The following KDM5A variants were observed in gnomAD, a reference collection of about 807,000 sequenced individuals.
The protein encoded by KDM5A is lysine demethylase 5A.
KDM5A carries 42 observed loss-of-function variants against 193.5 expected under a neutral mutation model. The ratio of observed to expected loss-of-function variants is 0.22; its 90% CI spans 0.17 to 0.28. The LOEUF (loss-of-function observed/expected upper bound fraction) is 0.28. KDM5A is among the 10% of genes least tolerant of loss of function. The pLI is 1.00. For missense variants in KDM5A, 1,692 were observed against 2,055.1 expected (o/e 0.82, Z 3.42); for synonymous variants, 796 against 718.1 (o/e 1.11, Z -1.73).
chr12:308,932 T>G (rs1290616867), intron 22 of KDM5A, among the ~76,000 whole-genome samples: 3 of 152,202 alleles, frequency 2.0e-5, no homozygotes, highest in African/African-American at 7.2e-5. Flanking sequence ...TACAAATATT[T>G]TAACACTCAT....
intron 5 of KDM5A, among the ~76,000 whole-genome samples, chr12:362,211 A>G (rs867829799): frequency 3.4e-4 from 52 of 152,134 alleles, no homozygotes; most frequent in African/African-American, 1.1e-3. Context: ...CTCAGTCTCC[A>G]AACTTGTCTT....
chr12:377,489 GA>G lies in KDM5A; in HGVS notation c.366+6541del, dbSNP rs201102773. The stretch of plus-strand genomic sequence containing the variant: ...TAAAGATAAGATCCTAAATCTTCAA[GA>G]AAAAAAAAGTCACAAAAAAACAAGA... On this transcript the variant is annotated intron_variant, in intron 3 of 27. Transcript: ENST00000399788. 2.4e-3 allele frequency among the ~76,000 whole-genome samples: 361 copies of G among 150,402 alleles called. 3 individuals are homozygous for G. The highest frequency in any genetic ancestry group is 5.9e-3 in the African/African-American group (242 of 40,998).
chr12:297,875 G>A (rs547603752), intron 24 of KDM5A, among the ~76,000 whole-genome samples: 1 of 152,316 alleles, frequency 6.6e-6, no homozygotes, highest in East Asian at 1.9e-4. Flanking sequence ...AGAAAAAGCA[G>A]CCAGACCTCG....
At chr12:348,067 GA>G (rs1944101301) in intron 10 of KDM5A, among the ~76,000 whole-genome samples, 1 of 151,822 alleles carries the variant, frequency 6.6e-6, no homozygotes, top group Non-Finnish European at 1.5e-5. Context: ...AAATTTACAA[GA>G]AAAAAACAAA....
chr12:322,271 T>C (rs1591912405), intron 17 of KDM5A, 146 bp downstream of exon 17: 2 of 698,886 alleles, frequency 2.9e-6, no homozygotes, highest in Non-Finnish European at 5.0e-6. Context: ...TAGTAGGAGA[T>C]AAAACTGGAG....
chr12:310,023 A>T (rs1181518941), intron 21 of KDM5A, 59 bp from the exon 22 acceptor site: 1 of 1,554,832 alleles, frequency 6.4e-7, no homozygotes, highest in Non-Finnish European at 8.8e-7. Flanking sequence ...TAAAAGTAAA[A>T]ATAATAAAGG....
chr12:289,289 T>A (rs1943258379), intron 27 of KDM5A, among the ~76,000 whole-genome samples: 1 of 152,180 alleles, frequency 6.6e-6, no homozygotes, highest in African/African-American at 2.4e-5. Flanking sequence ...TTTTTCTAGT[T>A]AACTTGTTTT....
chr12:280,236 C>T lies in KDM5A; in HGVS notation c.*5220G>A, dbSNP rs752836109. On this transcript the variant is annotated 3_prime_UTR_variant, in exon 28 of 28. Transcript: ENST00000399788. ...TTTTACAATGTGTACAATGTTTCACCATGTTCCAATTAATGGTTGAGCTTT... is the reference window on the plus strand; with the variant it reads ...TTTTACAATGTGTACAATGTTTCACTATGTTCCAATTAATGGTTGAGCTTT... 23 of 232,588 alleles carry T rather than the reference C, an allele frequency of 9.9e-5. No homozygotes were observed. The highest frequency in any genetic ancestry group is 1.6e-4 in the Non-Finnish European group (19 of 117,786). The allele number at this position is 232,588 out of a possible 1,614,324, so 14.4% of individuals were successfully genotyped here.
chr12:351,874 C>T (rs763183751), intron 9 of KDM5A, among the ~76,000 whole-genome samples: 5 of 151,836 alleles, frequency 3.3e-5, no homozygotes, highest in Non-Finnish European at 7.4e-5. Context: ...GAGGCCGAGG[C>T]GAGTGGATAA....
intron 24 of KDM5A, among the ~76,000 whole-genome samples, chr12:305,969 G>GTTTTTTTTTTT (rs3038312): frequency 9.6e-6 from 1 of 104,216 alleles, no homozygotes; most frequent in Non-Finnish European, 1.8e-5. Context: ...CAATGGAAGT[G>GTTTTTTTTTTT]TTTTTTTTTT....
At chr12:384,196 TGAATAA>T (rs758912352) in intron 2 of KDM5A, 43 bp from the exon 3 acceptor site, 3 of 1,459,086 alleles carry the variant, frequency 2.1e-6, no homozygotes, top group Admixed American at 3.4e-5. Flanking sequence ...ATGATTGAAA[TGAATAA>T]GAATAACAGA....
intron 10 of KDM5A, among the ~76,000 whole-genome samples, chr12:346,016 C>T (rs566795172): frequency 5.9e-5 from 9 of 151,882 alleles, no homozygotes; most frequent in African/African-American, 7.2e-5. Context: ...TGATAGACCA[C>T]GAGCAAGACT....
At position 365,914 on chromosome 12, in the gene KDM5A, A is replaced by T. The variant is rs1323611526; in HGVS notation, c.537+20T>A. 14 of 1,611,726 alleles carry T rather than the reference A, an allele frequency of 8.7e-6. 1 individual carries two copies. In the South Asian group the frequency reaches 1.3e-4, roughly 15 times the overall value. On this transcript the variant is annotated intron_variant, in intron 4 of 27. Transcript: ENST00000399788. Reference sequence around the variant, plus strand: ...AAACTGGATTTATCAACTTTTTCTAAAAAGAATAATGCATCTCACCATAAG... The same window carrying T: ...AAACTGGATTTATCAACTTTTTCTATAAAGAATAATGCATCTCACCATAAG...
chr12:282,072 A>C lies in KDM5A; in HGVS notation c.*3384T>G, dbSNP rs1943160491. On this transcript the variant is annotated 3_prime_UTR_variant, in exon 28 of 28. Coordinates refer to ENST00000399788, the MANE Select transcript of KDM5A (RefSeq NM_001042603.3). ...AGAAGCGCAGAAGCAAAGCCCAGGC[A>C]GAACCATGCTAACCTTACAGCTCAG... 2 of 331,710 alleles carry C rather than the reference A, an allele frequency of 6.0e-6. No homozygotes were observed. The highest frequency in any genetic ancestry group is 1.2e-5 in the Non-Finnish European group (2 of 172,240). The allele number at this position is 331,710 out of a possible 1,614,324, so 20.5% of individuals were successfully genotyped here.
Position 285,638 on chromosome 12 carries a change from C to T in KDM5A, c.4891G>A (p.Gly1631Ser), listed in dbSNP as rs760277077. 6.2e-7 allele frequency: 1 copy of T among 1,614,002 alleles called. No individual in the cohort carries two copies. Among genetic ancestry groups the T allele is most frequent in the Non-Finnish European group, 8.5e-7 (1 of 1,179,914 alleles). The change falls in exon 28 of 28, where the codon GGC becomes AGC. Residue 1631 changes from glycine to serine, a missense_variant. By Grantham distance (56) the Gly-to-Ser change is moderately conservative (BLOSUM62 0). Transcript: ENST00000399788. ...ACTTGATGAAACCACTCATCACAGC[C>T]ACCATCACATTGTACCCAGTCTACC... ...DKVDWVQCDG[G>S]CDEWFHQVCV... is the part of the protein sequence containing the mutation.
rs967743398 is a variant in KDM5A at position 284,091 on chromosome 12, G to A, written c.*1365C>T. 1 of 232,374 alleles carries A rather than the reference G, an allele frequency of 4.3e-6. No homozygotes were observed. Among genetic ancestry groups the A allele is most frequent in the African/African-American group, 2.2e-5 (1 of 45,192 alleles). 14.4% of individuals were successfully genotyped at this position (232,374 alleles called of 1,614,324 possible). A position where few individuals can be genotyped will look rare whatever the true frequency, so the allele number is the denominator to read the frequency against. Reference sequence around the variant, plus strand: ...GATCTGGTCAGGCTGGGATGGAGGAGGGAGTGCTAACTCCTTGTACTACAA... The same window carrying A: ...GATCTGGTCAGGCTGGGATGGAGGAAGGAGTGCTAACTCCTTGTACTACAA... On this transcript the variant is annotated 3_prime_UTR_variant, in exon 28 of 28. Transcript: ENST00000399788.
intron 3 of KDM5A, among the ~76,000 whole-genome samples, chr12:378,782 C>G: frequency 1.5e-5 from 2 of 137,208 alleles, no homozygotes; most frequent in South Asian, 4.5e-4. Flanking sequence ...CAGGGTGAAA[C>G]CCCGTCTCTA....
intron 22 of KDM5A, 62 bp from the exon 23 acceptor site, chr12:308,067 T>A: frequency 6.6e-7 from 1 of 1,521,276 alleles, no homozygotes. Flanking sequence ...AAATACCAAA[T>A]CCTCAAGGCT....
rs759749431 is a variant in KDM5A, at chr12:333,510, C to T, written c.1630G>A (p.Val544Met). Residue 544 changes from valine (V) to methionine (M), a missense_variant, in exon 12 of 28, where the codon GTG becomes ATG. Val to Met is a conservative substitution (Grantham distance 21). Transcript: ENST00000399788. ...HQLVTIMNPN[V>M]LMEHGVPVYR... ...ACAGGCACACCATGCTCCATTAGCA[C>T]GTTGGGGTTCATGATGGTAACTAAC... The T allele has an allele frequency of 2.4e-5, 39 of 1,613,984 alleles. No individual in the cohort carries two copies. The highest frequency in any genetic ancestry group is 4.5e-5 in the East Asian group (2 of 44,902).
Sources: allele counts gnomAD v4.1 joint callset (sites outside exome capture counted in the v4.1 genomes callset), GRCh38; gene constraint gnomAD v4.1.1; transcripts MANE v1.5; gene names NCBI Gene and HGNC (gene_info 2026-07-23, HGNC 2026-07-21).